ELL2: variants seen among roughly 807,000 people sequenced by gnomAD.
The protein encoded by ELL2 is elongation factor for RNA polymerase II 2, also known as RNA polymerase II elongation factor ELL2.
In ELL2, 21 loss-of-function variants were observed where a neutral mutation model predicts 72.8. That is an observed-to-expected ratio of 0.29 (90% confidence interval 0.20 to 0.42). The LOEUF (loss-of-function observed/expected upper bound fraction) is 0.42. Among genes scored for constraint, ELL2 ranks in the 10% least tolerant of loss-of-function variants. ELL2 has a pLI of 1.00. For missense variants in ELL2, 568 were observed against 772.8 expected (o/e 0.73, Z 3.14); for synonymous variants, 266 against 283.2 (o/e 0.94, Z 0.61).
Position 95,921,566 on chromosome 5 carries a change from G to A in ELL2, c.196-2021C>T, listed in dbSNP as rs146670409. 8.7e-3 allele frequency among the ~76,000 whole-genome samples: 1,321 copies of A among 152,296 alleles called. 17 individuals are homozygous for A. Among genetic ancestry groups the A allele is most frequent in the African/African-American group, 0.031 (1,275 of 41,552 alleles). ...TTCATCAGGCTGTCTTACTGGGTGT[G>A]CACGCTCAGCGCCTAGTTGGCATAC... On this transcript the variant is annotated intron_variant, in intron 2 of 11. Transcript: ENST00000237853.
chr5:95,961,445 C>T (rs1751848883), intron 1 of ELL2, 130 bp downstream of exon 1: 3 of 1,197,280 alleles, frequency 2.5e-6, no homozygotes, highest in Non-Finnish European at 3.2e-6. Flanking sequence ...CCCTGCCCTG[C>T]CTGGCCGCTG....
intron 1 of ELL2, among the ~76,000 whole-genome samples, chr5:95,944,830 GGTT>G (rs1751094697): frequency 6.6e-6 from 1 of 152,216 alleles, no homozygotes; most frequent in South Asian, 2.1e-4. Flanking sequence ...GCAACTCAGA[GGTT>G]GTCTTCAGCT....
chr5:95,950,295 T>C (rs1013761656), intron 1 of ELL2, among the ~76,000 whole-genome samples: 3 of 152,210 alleles, frequency 2.0e-5, no homozygotes, highest in African/African-American at 7.2e-5. Context: ...CAAGAGTCAC[T>C]TTTTTCTTTG....
chr5:95,961,257 C>T (rs1329004852), intron 1 of ELL2, among the ~76,000 whole-genome samples: 1 of 152,100 alleles, frequency 6.6e-6, no homozygotes, highest in Non-Finnish European at 1.5e-5. Context: ...GGGCCTCTCT[C>T]CCTCCTTGGG....
chr5:95,921,121 C>G (rs1202698879), intron 2 of ELL2, among the ~76,000 whole-genome samples: 1 of 151,968 alleles, frequency 6.6e-6, no homozygotes, highest in East Asian at 1.9e-4. Flanking sequence ...TCCTCCCAAC[C>G]CTGGAAAAAG....
chr5:95,898,396 T>A lies in ELL2; in HGVS notation c.1369A>T (p.Met457Leu), dbSNP rs762017859. 2 of 1,613,350 alleles carry A rather than the reference T, an allele frequency of 1.2e-6. No individual in the cohort carries two copies. Among genetic ancestry groups the A allele is most frequent in the East Asian group, 4.5e-5 (2 of 44,894 alleles). Reference sequence around the variant, plus strand: ...TTCTTTTTGGACTTTTTGTGAGACATTGAATGGTTTTCTTCCATAGGCTTT... The same window carrying A: ...TTCTTTTTGGACTTTTTGTGAGACAATGAATGGTTTTCTTCCATAGGCTTT... ...CPKPMEENHS[M>L]SHKKSKKKSK... The change falls in exon 8 of 12, where the codon ATG becomes TTG. Residue 457 changes from methionine (M) to leucine (L), a missense_variant. By Grantham distance (15) the Met-to-Leu change is conservative (BLOSUM62 2). This residue lies in a region of ELL2 where 511 missense variants were observed against 728.4 expected (regional missense o/e 0.70). Coordinates refer to ENST00000237853, the MANE Select transcript of ELL2 (RefSeq NM_012081.6).
At chr5:95,959,444 G>A (rs899650821) in intron 1 of ELL2, among the ~76,000 whole-genome samples, 4 of 151,826 alleles carry the variant, frequency 2.6e-5, no homozygotes, top group Non-Finnish European at 5.9e-5. Context: ...TCCTTCCCAC[G>A]CCCTTCCCTT....
At chr5:95,913,625 A>G (rs1267015052) in intron 4 of ELL2, 146 bp downstream of exon 4, 4 of 854,150 alleles carry the variant, frequency 4.7e-6, no homozygotes, top group Non-Finnish European at 6.9e-6. Flanking sequence ...GAGAACAAAT[A>G]ACTTTGTTTT....
chr5:95,920,805 C>G lies in ELL2; in HGVS notation c.196-1260G>C, dbSNP rs149644565. Among the ~76,000 whole-genome samples, 23 of 152,290 alleles carry G rather than the reference C, an allele frequency of 1.5e-4. No homozygotes were observed. In the East Asian group the frequency reaches 4.4e-3, roughly 29 times the overall value. On this transcript the variant is annotated intron_variant, in intron 2 of 11. Transcript: ENST00000237853. ...GAATGTAAAATATGACTTAACCGAACTTCAGCTCCCAAACATACAGTCTTA... is the reference window on the plus strand; with the variant it reads ...GAATGTAAAATATGACTTAACCGAAGTTCAGCTCCCAAACATACAGTCTTA...
intron 1 of ELL2, among the ~76,000 whole-genome samples, chr5:95,959,205 C>T (rs1347902495): frequency 6.6e-6 from 1 of 152,188 alleles, no homozygotes. Flanking sequence ...CAAGTGTACA[C>T]TGTCAATCTT....
In ELL2 at chr5:95,886,173, G is replaced by A. The variant is rs566379546; in HGVS notation, c.*2698C>T. 1 of 152,228 alleles carries A rather than the reference G, an allele frequency of 6.6e-6. No individual in the cohort carries two copies. The highest frequency in any genetic ancestry group is 6.5e-5 in the Admixed American group (1 of 15,288). 9.4% of individuals were successfully genotyped at this position (152,228 alleles called of 1,614,324 possible). ...TCCACCGGAGTAACTGACATTAAGT[G>A]GCCACTATTCCTGTAGTAATCATTT... is the stretch of plus-strand genomic sequence containing the variant. On this transcript the variant is annotated 3_prime_UTR_variant, in exon 12 of 12. Transcript: ENST00000237853.
Position 95,955,057 on chromosome 5 carries a change from G to C in ELL2, c.147+6518C>G, listed in dbSNP as rs375108655. 1.1e-4 allele frequency among the ~76,000 whole-genome samples: 17 copies of C among 152,220 alleles called. No individual in the cohort carries two copies. The East Asian group carries it at 3.3e-3, about 29-fold the overall frequency. On this transcript the variant is annotated intron_variant, in intron 1 of 11. Coordinates refer to ENST00000237853, the MANE Select transcript of ELL2 (RefSeq NM_012081.6). ...CTTGCCCTTCATGTTAAGCAGAACA[G>C]GGTCTTTATGGCAATTCTTGGAGCT...
Position 95,898,540 on chromosome 5 carries a change from C to G in ELL2, c.1225G>C (p.Asp409His). Reference sequence around the variant, plus strand: ...TGACTAAAACTGTCAACAGGTAGGTCTTGAGTCCCCCGGCCTTCTGGAGTG... The same window carrying G: ...TGACTAAAACTGTCAACAGGTAGGTGTTGAGTCCCCCGGCCTTCTGGAGTG... ...PSTPEGRGTQ[D>H]LPVDSFSQND... The change falls in exon 8 of 12, where the codon GAC becomes CAC. Residue 409 changes from aspartate to histidine, a missense_variant. Coordinates refer to ENST00000237853, the MANE Select transcript of ELL2 (RefSeq NM_012081.6). 1 of 1,614,020 alleles carries G rather than the reference C, an allele frequency of 6.2e-7. No individual in the cohort carries two copies. Among genetic ancestry groups the G allele is most frequent in the Non-Finnish European group, 8.5e-7 (1 of 1,180,034 alleles).
chr5:95,948,855 G>C (rs984218705), intron 1 of ELL2, among the ~76,000 whole-genome samples: 16 of 152,128 alleles, frequency 1.1e-4, no homozygotes, highest in African/African-American at 3.9e-4. Context: ...ATTGTAATTG[G>C]CTAGGGAAAC....
rs199699795 is a variant in ELL2, at chr5:95,888,996, GAAA to G, written c.1807-12_1807-10del. ...TGGTAATTGGGACTAGACTGCAGAT[GAAA>G]AAAAAAAAAAAAAAAGAGGAATGAG... On this transcript the variant is annotated splice_polypyrimidine_tract_variant and intron_variant, in intron 11 of 11. Transcript: ENST00000237853. 12,460 of 1,213,532 alleles carry G rather than the reference GAAA, an allele frequency of 0.01. No homozygotes were observed. Among genetic ancestry groups the G allele is most frequent in the Admixed American group, 0.019 (623 of 32,256 alleles). 75.2% of individuals were successfully genotyped at this position (1,213,532 alleles called of 1,614,324 possible). A position where few individuals can be genotyped will look rare whatever the true frequency, so the allele number is the denominator to read the frequency against.
chr5:95,901,511 A>G (rs1749142072), intron 5 of ELL2, among the ~76,000 whole-genome samples: 1 of 152,184 alleles, frequency 6.6e-6, no homozygotes, highest in African/African-American at 2.4e-5. Context: ...TTTTTCTTAT[A>G]CATACATACC....
chr5:95,896,103 A>ATT (rs1748865606), intron 8 of ELL2, among the ~76,000 whole-genome samples: 1 of 152,234 alleles, frequency 6.6e-6, no homozygotes, highest in Non-Finnish European at 1.5e-5. Flanking sequence ...GGATGAGACA[A>ATT]TAGAGTCAGG....
At chr5:95,952,427 A>T (rs1023028189) in intron 1 of ELL2, among the ~76,000 whole-genome samples, 4 of 152,146 alleles carry the variant, frequency 2.6e-5, no homozygotes, top group Non-Finnish European at 5.9e-5. Context: ...CCTACATAAC[A>T]AATCTGTACA....
chr5:95,951,342 C>CT (rs1401175634), intron 1 of ELL2, among the ~76,000 whole-genome samples: 1 of 151,830 alleles, frequency 6.6e-6, no homozygotes, highest in Non-Finnish European at 1.5e-5. Flanking sequence ...GCACTCCAGC[C>CT]TGGGGGACAG....
Sources: allele counts gnomAD v4.1 joint callset (sites outside exome capture counted in the v4.1 genomes callset), GRCh38; gene constraint gnomAD v4.1.1; regional missense constraint gnomAD v4.1.1; transcripts MANE v1.5; gene names NCBI Gene and HGNC (gene_info 2026-07-23, HGNC 2026-07-21).